Variants in GNB4 observed in about 807,000 individuals in gnomAD.
The protein encoded by GNB4 is G protein subunit beta 4, also known as guanine nucleotide-binding protein subunit beta-4.
GNB4 carries 28 observed loss-of-function variants against 45.2 expected under a neutral mutation model. The observed-to-expected ratio is 0.62, with a 90% CI of 0.46 to 0.85. The LOEUF (loss-of-function observed/expected upper bound fraction) is 0.85, where lower values mean the gene tolerates loss of function less well. GNB4 is among the 40% of genes least tolerant of loss of function. The pLI is 0.00. For synonymous variants in GNB4, 132 were observed against 143.7 expected (o/e 0.92, Z 0.58); for missense variants, 321 against 425.4 (o/e 0.75, Z 2.16).
chr3:179,426,154 T>C lies in GNB4; in HGVS notation c.47A>G (p.Asn16Ser), dbSNP rs1715141747. The change falls in exon 2 of 10, where the codon AAT becomes AGT. Residue 16 changes from asparagine to serine, a missense_variant. Physicochemically the swap from Asn to Ser is conservative, Grantham distance 46. Coordinates refer to ENST00000232564, the MANE Select transcript of GNB4 (RefSeq NM_021629.4). ...ATGAAAAGGTTTTACCTGAATCTGA[T>C]TCCGCAGTTGTTCTGCTTCTTGCCT... ...QLRQEAEQLRNQIQDARKACN... is the reference protein window; with the variant it reads ...QLRQEAEQLRSQIQDARKACN... The C allele has an allele frequency of 6.2e-7, 1 of 1,602,336 alleles. No individual in the cohort carries two copies. The highest frequency in any genetic ancestry group is 1.8e-5 in the Admixed American group (1 of 55,940).
intron 8 of GNB4, among the ~76,000 whole-genome samples, chr3:179,412,394 CTT>C (rs1328803846): frequency 6.6e-6 from 1 of 152,056 alleles, no homozygotes; most frequent in Non-Finnish European, 1.5e-5. Context: ...AGGAAGATCA[CTT>C]GAGCCCAGGA....
chr3:179,446,886 A>G (rs758027305), intron 1 of GNB4, among the ~76,000 whole-genome samples: 3 of 152,212 alleles, frequency 2.0e-5, no homozygotes, highest in Non-Finnish European at 2.9e-5. Context: ...TCATTCCTTC[A>G]TTCAACAAAT....
the GNB4 span, among the ~76,000 whole-genome samples, chr3:179,499,986 T>C: frequency 6.6e-6 from 1 of 152,254 alleles, no homozygotes; most frequent in Non-Finnish European, 1.5e-5. Flanking sequence ...ATTAGCCCTT[T>C]GTCACATGAA....
At chr3:179,478,236 T>G in the GNB4 span, among the ~76,000 whole-genome samples, 1 of 152,164 alleles carries the variant, frequency 6.6e-6, no homozygotes, top group African/African-American at 2.4e-5. Context: ...CCTCATGACT[T>G]AATCACCTCT....
intron 6 of GNB4, 45 bp from the exon 7 acceptor site, chr3:179,413,826 T>C (rs1714719618): frequency 2.2e-6 from 3 of 1,376,458 alleles, no homozygotes; most frequent in African/African-American, 2.9e-5. Flanking sequence ...ACTGATTGAA[T>C]AACTCAGTTA....
At position 179,439,264 on chromosome 3, in the gene GNB4, A is replaced by C. The variant is rs1161400767; in HGVS notation, c.-43+12082T>G. Among the ~76,000 whole-genome samples, 4 of 152,196 alleles carry C rather than the reference A, an allele frequency of 2.6e-5. No individual in the cohort carries two copies. In the East Asian group the frequency reaches 7.7e-4, roughly 29 times the overall value. On this transcript the variant is annotated intron_variant, in intron 1 of 9. Coordinates refer to ENST00000232564, the MANE Select transcript of GNB4 (RefSeq NM_021629.4). Reference sequence around the variant, plus strand: ...TTCAAGAACGTGTGTTCATGCAGTAATCACTTCCTAAAAATCACTAAACTG... The same window carrying C: ...TTCAAGAACGTGTGTTCATGCAGTACTCACTTCCTAAAAATCACTAAACTG...
the GNB4 span, among the ~76,000 whole-genome samples, chr3:179,507,000 TCTC>T: frequency 2.0e-5 from 3 of 152,146 alleles, no homozygotes; most frequent in Admixed American, 1.3e-4. Context: ...ACCTGTTGCT[TCTC>T]CTTCTGTGTT....
the GNB4 span, among the ~76,000 whole-genome samples, chr3:179,469,614 TA>T: frequency 6.6e-5 from 10 of 151,826 alleles, no homozygotes; most frequent in African/African-American, 9.7e-5. Flanking sequence ...ATAGCAATAG[TA>T]AAAAAAATTA....
intron 1 of GNB4, among the ~76,000 whole-genome samples, chr3:179,435,667 G>A (rs925520819): frequency 8.6e-5 from 13 of 152,042 alleles, no homozygotes; most frequent in South Asian, 2.1e-4. Flanking sequence ...TTTTGTTACC[G>A]TAACTTCTTG....
chr3:179,419,663 T>C (rs892774981), intron 3 of GNB4, among the ~76,000 whole-genome samples, 158 bp from the exon 4 acceptor site: 1 of 152,180 alleles, frequency 6.6e-6, no homozygotes, highest in Non-Finnish European at 1.5e-5. Context: ...CGTTATGGGA[T>C]CAATATGTTC....
At chr3:179,486,025 C>T in the GNB4 span, among the ~76,000 whole-genome samples, 2 of 152,036 alleles carry the variant, frequency 1.3e-5, no homozygotes, top group African/African-American at 4.8e-5. Context: ...TAGTTCAAGA[C>T]CAGCCTGGCC....
the GNB4 span, among the ~76,000 whole-genome samples, chr3:179,502,938 C>T: frequency 1.3e-5 from 2 of 152,166 alleles, no homozygotes; most frequent in African/African-American, 4.8e-5. Flanking sequence ...CCCCTGGGTT[C>T]AAGCCGTCCT....
At chr3:179,430,071 G>GAGAGAC (rs761132897) in intron 1 of GNB4, among the ~76,000 whole-genome samples, 9 of 142,258 alleles carry the variant, frequency 6.3e-5, no homozygotes, top group East Asian at 2.1e-4. Flanking sequence ...GACTGAGAGA[G>GAGAGAC]AGACAGACAG....
At chr3:179,485,927 G>A in the GNB4 span, among the ~76,000 whole-genome samples, 4 of 150,996 alleles carry the variant, frequency 2.6e-5, no homozygotes, top group East Asian at 7.9e-4. Flanking sequence ...GTGACAGTGA[G>A]ACTCTGTCTC....
At chr3:179,489,019 AATATATAT>A in the GNB4 span, among the ~76,000 whole-genome samples, 3 of 21,386 alleles carry the variant, frequency 1.4e-4, 1 homozygote, top group Non-Finnish European at 2.3e-4. Flanking sequence ...AAAAAAAAAA[AATATATAT>A]ATATATATAT....
chr3:179,511,870 A>G, the GNB4 span, among the ~76,000 whole-genome samples: 1 of 152,188 alleles, frequency 6.6e-6, no homozygotes, highest in African/African-American at 2.4e-5. Flanking sequence ...AGAATTTTTC[A>G]TGAAAATAGA....
At chr3:179,426,065 G>C (rs1715138755) in intron 2 of GNB4, 79 bp downstream of exon 2, 2 of 1,061,012 alleles carry the variant, frequency 1.9e-6, no homozygotes, top group South Asian at 1.4e-5. Flanking sequence ...ATTTAATATA[G>C]ACTGATAAAC....
At chr3:179,512,805 G>T in the GNB4 span, among the ~76,000 whole-genome samples, 1 of 152,188 alleles carries the variant, frequency 6.6e-6, no homozygotes, top group Non-Finnish European at 1.5e-5. Context: ...ATGTGTGCGT[G>T]CATGTACGTG....
the GNB4 span, among the ~76,000 whole-genome samples, chr3:179,466,370 A>T: frequency 6.6e-6 from 1 of 152,162 alleles, no homozygotes; most frequent in African/African-American, 2.4e-5. Context: ...TCTGTAAAAT[A>T]CTTGAGGCAG....
Sources: allele counts gnomAD v4.1 joint callset (sites outside exome capture counted in the v4.1 genomes callset), GRCh38; gene constraint gnomAD v4.1.1; transcripts MANE v1.5; gene names NCBI Gene and HGNC (gene_info 2026-07-23, HGNC 2026-07-21).